MECOM: variants seen among roughly 807,000 people sequenced by gnomAD.
MECOM encodes MDS1 and EVI1 complex locus.
MECOM carries 13 observed loss-of-function variants against 116.3 expected under a neutral mutation model. That is an observed-to-expected ratio of 0.11 (90% CI 0.07 to 0.18). The LOEUF (loss-of-function observed/expected upper bound fraction) is 0.18. Among genes scored for constraint, MECOM ranks in the 10% least tolerant of loss-of-function variants. The probability of loss-of-function intolerance (pLI) is 1.00; values close to 1 mark genes in which losing one functional copy is unlikely to be tolerated. For missense variants in MECOM, 1,299 were observed against 1,509.0 expected, an observed-to-expected ratio of 0.86 and a Z score of 2.31; for synonymous variants, 528 against 535.2, an observed-to-expected ratio of 0.99 and a Z score of 0.19.
chr3:169,633,915 AAAAC>A (rs534747265), intron 1 of MECOM, among the ~76,000 whole-genome samples: 7,508 of 143,080 alleles, frequency 0.052, 202 homozygotes, highest in Non-Finnish European at 0.064. Context: ...AAAAAAAAAA[AAAAC>A]AAAAAACAAA....
intron 2 of MECOM, among the ~76,000 whole-genome samples, chr3:169,207,428 GC>G (rs1376944870): frequency 1.3e-5 from 2 of 152,156 alleles, no homozygotes; most frequent in Non-Finnish European, 1.5e-5. Flanking sequence ...CAGAAGAGCA[GC>G]AGTCACTGAT....
At chr3:169,494,166 T>C (rs1560352629) in intron 1 of MECOM, among the ~76,000 whole-genome samples, 1 of 151,936 alleles carries the variant, frequency 6.6e-6, no homozygotes, top group Admixed American at 6.6e-5. Context: ...TCCACCTTAA[T>C]ATTTTAAAAC....
intron 1 of MECOM, among the ~76,000 whole-genome samples, chr3:169,650,356 T>A (rs1162998789): frequency 1.3e-5 from 2 of 152,156 alleles, no homozygotes; most frequent in Non-Finnish European, 2.9e-5. Context: ...ATGTACAGGA[T>A]AAGGCAGTAT....
At chr3:169,359,420 A>AAATG (rs1419060936) in intron 2 of MECOM, among the ~76,000 whole-genome samples, 1 of 151,778 alleles carries the variant, frequency 6.6e-6, no homozygotes, top group Non-Finnish European at 1.5e-5. Context: ...ATCAAACTTC[A>AAATG]AATGAACACT....
chr3:169,395,390 G>A (rs1397833617), intron 1 of MECOM, among the ~76,000 whole-genome samples: 1 of 152,140 alleles, frequency 6.6e-6, no homozygotes, highest in East Asian at 1.9e-4. Context: ...TAACATAAAT[G>A]TTCAAAAGGC....
At chr3:169,488,718 T>C (rs1167929578) in intron 1 of MECOM, among the ~76,000 whole-genome samples, 2 of 151,838 alleles carry the variant, frequency 1.3e-5, no homozygotes, top group Non-Finnish European at 2.9e-5. Context: ...AAATAATATA[T>C]GGGCCAAAAG....
In MECOM at chr3:169,656,155, T is replaced by C. The variant is rs537992815; in HGVS notation, c.37+7181A>G. Among the ~76,000 whole-genome samples, 9 of 152,376 alleles carry C rather than the reference T, an allele frequency of 5.9e-5. 1 individual carries two copies. Among genetic ancestry groups the C allele is most frequent in the African/African-American group, 2.2e-4 (9 of 41,598 alleles). On this transcript the variant is annotated intron_variant, in intron 1 of 16. Coordinates refer to ENST00000651503, the MANE Select transcript of MECOM (RefSeq NM_004991.4). ...TCGCCAAAGCACAAAAACTGCCATG[T>C]ACAAGCACTTTCATTCATAAATGTC...
intron 1 of MECOM, among the ~76,000 whole-genome samples, chr3:169,613,172 C>T (rs1411520482): frequency 3.3e-5 from 5 of 152,112 alleles, no homozygotes; most frequent in Non-Finnish European, 7.4e-5. Flanking sequence ...GGATTTCAAC[C>T]ACATCCTGAG....
intron 1 of MECOM, among the ~76,000 whole-genome samples, chr3:169,470,761 T>A (rs1749093062): frequency 6.6e-6 from 1 of 152,116 alleles, no homozygotes; most frequent in South Asian, 2.1e-4. Context: ...GAATCTGGTG[T>A]ATCTATCATC....
chr3:169,565,000 C>T (rs1763061228), intron 1 of MECOM, among the ~76,000 whole-genome samples: 2 of 152,182 alleles, frequency 1.3e-5, no homozygotes, highest in South Asian at 4.1e-4. Context: ...ATGTATTGAG[C>T]ATCTTTTATG....
chr3:169,461,447 A>T (rs1405562145), intron 1 of MECOM, among the ~76,000 whole-genome samples: 2 of 152,210 alleles, frequency 1.3e-5, no homozygotes, highest in African/African-American at 2.4e-5. Context: ...GACTGCAAAG[A>T]CATCTGTGCC....
intron 1 of MECOM, among the ~76,000 whole-genome samples, chr3:169,661,925 C>A (rs1399552253): frequency 6.6e-6 from 1 of 152,180 alleles, no homozygotes; most frequent in African/African-American, 2.4e-5. Context: ...GAGAGAACCG[C>A]GGCCTGTCCA....
At chr3:169,447,443 C>T (rs1400028561) in intron 1 of MECOM, among the ~76,000 whole-genome samples, 3 of 152,146 alleles carry the variant, frequency 2.0e-5, no homozygotes, top group Non-Finnish European at 2.9e-5. Flanking sequence ...TCTCCCCCCA[C>T]CAAGAACTTT....
At chr3:169,342,534 T>C (rs887399307) in intron 2 of MECOM, among the ~76,000 whole-genome samples, 1 of 152,172 alleles carries the variant, frequency 6.6e-6, no homozygotes, top group Admixed American at 6.5e-5. Context: ...ATTGCTCTTA[T>C]AAAGTCATTT....
At chr3:169,553,815 G>A (rs1203079796) in intron 1 of MECOM, among the ~76,000 whole-genome samples, 1 of 152,118 alleles carries the variant, frequency 6.6e-6, no homozygotes, top group Admixed American at 6.5e-5. Flanking sequence ...CTCTCTATGT[G>A]TCCTAATTGT....
At chr3:169,353,996 C>T (rs2149811079) in intron 2 of MECOM, among the ~76,000 whole-genome samples, 1 of 151,914 alleles carries the variant, frequency 6.6e-6, no homozygotes, top group East Asian at 1.9e-4. Flanking sequence ...CATAGCTAAC[C>T]AGTAGATTCG....
At chr3:169,220,597 C>T (rs994582356) in intron 2 of MECOM, among the ~76,000 whole-genome samples, 1 of 152,086 alleles carries the variant, frequency 6.6e-6, no homozygotes, top group African/African-American at 2.4e-5. Context: ...GCCCCAGCCC[C>T]CCAAGTAGCT....
intron 1 of MECOM, among the ~76,000 whole-genome samples, chr3:169,578,815 A>G (rs760012405): frequency 3.5e-4 from 54 of 152,176 alleles, no homozygotes; most frequent in Admixed American, 2.2e-3. Context: ...GAATTTATCC[A>G]TCTGCCTAAT....
intron 1 of MECOM, among the ~76,000 whole-genome samples, chr3:169,654,799 C>A (rs1339098969): frequency 1.4e-5 from 2 of 141,898 alleles, no homozygotes; most frequent in Non-Finnish European, 3.0e-5. Flanking sequence ...GTAATAAGTA[C>A]TTCCACCTAT....
Sources: gnomAD v4.1 joint callset for allele counts (sites outside exome capture counted in the v4.1 genomes callset) on GRCh38, gnomAD v4.1.1 for gene constraint, MANE v1.5 for transcripts, NCBI Gene and HGNC (gene_info 2026-07-23, HGNC 2026-07-21) for gene names.